Variants in BAZ1B observed in about 807,000 individuals in gnomAD.
The protein encoded by BAZ1B is bromodomain adjacent to zinc finger domain 1B.
Under a neutral mutation model 153.8 loss-of-function variants are expected in BAZ1B, and 22 were observed. The ratio of observed to expected loss-of-function variants is 0.14; its 90% CI spans 0.10 to 0.20. The LOEUF is 0.20. Among genes scored for constraint, BAZ1B ranks in the 10% least tolerant of loss-of-function variants. The pLI is 1.00. For synonymous variants in BAZ1B, 676 were observed against 633.4 expected (o/e 1.07, Z -1.01); for missense variants, 1,325 against 1,799.3 (o/e 0.74, Z 4.77).
At chr7:73,521,695 G>T in intron 1 of BAZ1B, 132 bp downstream of exon 1, 1 of 639,192 alleles carries the variant, frequency 1.6e-6, no homozygotes, top group Non-Finnish European at 2.3e-6. Context: ...CAGCCTCCAG[G>T]CCCGCGAGCG....
intron 7 of BAZ1B, among the ~76,000 whole-genome samples, chr7:73,476,043 T>C (rs1276261991): frequency 6.6e-6 from 1 of 152,160 alleles, no homozygotes; most frequent in Non-Finnish European, 1.5e-5. Context: ...TAAAACATTA[T>C]GCTAAGTGAA....
chr7:73,508,573 C>T, intron 2 of BAZ1B, 102 bp from the exon 3 acceptor site: 1 of 1,335,484 alleles, frequency 7.5e-7, no homozygotes. Context: ...CCAAACATTT[C>T]AAACATTTAT....
At chr7:73,483,701 G>A (rs1301388207) in intron 6 of BAZ1B, among the ~76,000 whole-genome samples, 8 of 152,018 alleles carry the variant, frequency 5.3e-5, no homozygotes, top group African/African-American at 1.9e-4. Flanking sequence ...GAGTGCAGTG[G>A]CATGATCACA....
In BAZ1B at chr7:73,488,034, G is replaced by T. The variant is rs187879746; in HGVS notation, c.891+1160C>A. Among the ~76,000 whole-genome samples the T allele has an allele frequency of 1.4e-4, 22 of 152,220 alleles. No individual in the cohort carries two copies. In the East Asian group the frequency reaches 4.1e-3, roughly 28 times the overall value. On this transcript the variant is annotated intron_variant, in intron 6 of 19. Coordinates refer to ENST00000339594, the MANE Select transcript of BAZ1B (RefSeq NM_032408.4). ...TTAAGATAATTGAACAAATTTAGTT[G>T]TTATGACTTCAGATGTCTTTATATT... is the stretch of plus-strand genomic sequence containing the variant.
rs551081826 is a variant in BAZ1B at position 73,466,141 on chromosome 7, C to T, written c.2972+155G>A. Among the ~76,000 whole-genome samples the T allele has an allele frequency of 2.0e-5, 3 of 152,266 alleles. 1 individual carries two copies. The East Asian group carries it at 5.8e-4, about 29-fold the overall frequency. Reference sequence around the variant, plus strand: ...GTATCTTCTTAACAAAAAATCAGGTCTGCTAATGCAAGAAGTTTTGATATC... The same window carrying T: ...GTATCTTCTTAACAAAAAATCAGGTTTGCTAATGCAAGAAGTTTTGATATC... On this transcript the variant is annotated intron_variant, in intron 10 of 19. Coordinates refer to ENST00000339594, the MANE Select transcript of BAZ1B (RefSeq NM_032408.4).
At chr7:73,495,491 T>C (rs991449944) in intron 4 of BAZ1B, among the ~76,000 whole-genome samples, 1 of 152,038 alleles carries the variant, frequency 6.6e-6, no homozygotes, top group African/African-American at 2.4e-5. Flanking sequence ...GTCAAAGGAA[T>C]GGCAGGGAAG....
intron 13 of BAZ1B, among the ~76,000 whole-genome samples, chr7:73,459,183 G>A (rs577370062): frequency 2.6e-5 from 4 of 151,922 alleles, no homozygotes; most frequent in Admixed American, 2.6e-4. Context: ...GGGAGGCGGA[G>A]GTTGTAGTGA....
chr7:73,516,772 C>CAAAAA (rs71517390), intron 1 of BAZ1B, among the ~76,000 whole-genome samples: 1 of 53,468 alleles, frequency 1.9e-5, no homozygotes, highest in Non-Finnish European at 3.1e-5. Context: ...GTGACTGTCT[C>CAAAAA]AAAAAAAAAA....
intron 12 of BAZ1B, 117 bp from the exon 13 acceptor site, chr7:73,459,835 A>G (rs1788332210): frequency 1.1e-6 from 1 of 871,830 alleles, no homozygotes; most frequent in Non-Finnish European, 1.7e-6. Flanking sequence ...CATTAAACAA[A>G]ATCGAGAGCC....
chr7:73,486,009 A>G (rs1455436463), intron 6 of BAZ1B, among the ~76,000 whole-genome samples: 1 of 152,202 alleles, frequency 6.6e-6, no homozygotes, highest in Non-Finnish European at 1.5e-5. Flanking sequence ...CCTCCAAGTC[A>G]TTGGGCCTAC....
At chr7:73,521,769 CA>C in intron 1 of BAZ1B, 57 bp downstream of exon 1, 6 of 1,414,196 alleles carry the variant, frequency 4.2e-6, no homozygotes, top group Non-Finnish European at 5.7e-6. Flanking sequence ...TCGCGAGCCC[CA>C]GGCCCTACCC....
chr7:73,455,727 G>A (rs1554569450), intron 13 of BAZ1B, among the ~76,000 whole-genome samples: 1 of 152,146 alleles, frequency 6.6e-6, no homozygotes, highest in Non-Finnish European at 1.5e-5. Context: ...AGGCTGCAGC[G>A]AGCCATGACT....
chr7:73,521,766 C>CCCCAGGCCCTA (rs1386789247), intron 1 of BAZ1B, 61 bp downstream of exon 1: 1 of 1,380,462 alleles, frequency 7.2e-7, no homozygotes, highest in Admixed American at 2.4e-5. Flanking sequence ...GTCTCGCGAG[C>CCCCAGGCCCTA]CCCAGGCCCT....
In BAZ1B at chr7:73,454,738, C is replaced by T. The variant is rs1788131971; in HGVS notation, c.3433-3744G>A. On this transcript the variant is annotated intron_variant, in intron 13 of 19. Coordinates refer to ENST00000339594, the MANE Select transcript of BAZ1B (RefSeq NM_032408.4). ...CTCTGGTAAGTTTTCTCTAGTGTGC[C>T]CTGGGTATCCCTCACAGTGAGCCTG... Among the ~76,000 whole-genome samples, 4 of 152,182 alleles carry T rather than the reference C, an allele frequency of 2.6e-5. No individual in the cohort carries two copies. In the South Asian group the frequency reaches 8.3e-4, roughly 31 times the overall value.
chr7:73,484,503 G>T (rs1337915709), intron 6 of BAZ1B, among the ~76,000 whole-genome samples: 1 of 152,018 alleles, frequency 6.6e-6, no homozygotes, highest in African/African-American at 2.4e-5. Flanking sequence ...AATTAGCTGG[G>T]CTTCATGGTG....
intron 3 of BAZ1B, among the ~76,000 whole-genome samples, chr7:73,505,856 C>G (rs746957500): frequency 6.6e-6 from 1 of 152,156 alleles, no homozygotes; most frequent in East Asian, 1.9e-4. Flanking sequence ...CAGCCAAGAA[C>G]GCATTTTCAG....
intron 3 of BAZ1B, among the ~76,000 whole-genome samples, chr7:73,505,903 A>G (rs1178820118): frequency 6.6e-6 from 1 of 152,152 alleles, no homozygotes; most frequent in Non-Finnish European, 1.5e-5. Context: ...AGAACTACGG[A>G]CTATTATTAC....
At chr7:73,521,795 C>A in intron 1 of BAZ1B, 32 bp downstream of exon 1, 1 of 1,478,238 alleles carries the variant, frequency 6.8e-7, no homozygotes, top group Non-Finnish European at 9.0e-7. Flanking sequence ...CCAGCCCGGC[C>A]CAGCCCGGCC....
chr7:73,447,094 A>C (rs1333528062), intron 16 of BAZ1B, among the ~76,000 whole-genome samples, 170 bp downstream of exon 16: 2 of 152,226 alleles, frequency 1.3e-5, no homozygotes, highest in Non-Finnish European at 2.9e-5. Flanking sequence ...GTTAAACGCC[A>C]TCTTGGAAAC....
Sources: gnomAD v4.1 joint callset for allele counts (sites outside exome capture counted in the v4.1 genomes callset) on GRCh38, gnomAD v4.1.1 for gene constraint, MANE v1.5 for transcripts, NCBI Gene and HGNC (gene_info 2026-07-23, HGNC 2026-07-21) for gene names.